Variants in FHL2 observed in about 807,000 individuals in gnomAD.
The protein encoded by FHL2 is four and a half LIM domains 2, also known as four and a half LIM domains protein 2.
A neutral mutation model predicts 32.7 loss-of-function variants in FHL2; 20 were observed. The ratio of observed to expected loss-of-function variants is 0.61; its 90% CI spans 0.43 to 0.89. The LOEUF is 0.89. Ranked by LOEUF, FHL2 falls within the 40% of genes least tolerant of loss-of-function variation. The pLI is 0.00. For missense variants in FHL2, 311 were observed against 358.6 expected, an observed-to-expected ratio of 0.87 and a Z score of 1.07; for synonymous variants, 123 against 128.1, an observed-to-expected ratio of 0.96 and a Z score of 0.27.
chr2:105,394,314 A>T (rs1682957837), intron 2 of FHL2, among the ~76,000 whole-genome samples: 1 of 152,024 alleles, frequency 6.6e-6, no homozygotes, highest in Non-Finnish European at 1.5e-5. Context: ...AAGAGAGAGG[A>T]TCTCTTGAGC....
intron 3 of FHL2, among the ~76,000 whole-genome samples, chr2:105,380,372 T>C (rs548519297): frequency 6.6e-6 from 1 of 152,284 alleles, no homozygotes; most frequent in Non-Finnish European, 1.5e-5. Context: ...TTTTCTTCTA[T>C]CTATCTGTTC....
At chr2:105,425,013 A>C (rs145013689) in intron 1 of FHL2, among the ~76,000 whole-genome samples, 11 of 152,022 alleles carry the variant, frequency 7.2e-5, no homozygotes, top group African/African-American at 2.7e-4. Context: ...CAGAACTTAA[A>C]GTATATATAT....
At chr2:105,377,474 T>C (rs1681553938) in intron 3 of FHL2, among the ~76,000 whole-genome samples, 1 of 151,794 alleles carries the variant, frequency 6.6e-6, no homozygotes, top group African/African-American at 2.4e-5. Context: ...CTACTAAAAA[T>C]ACAAAAATTA....
downstream of FHL2, chr2:105,360,600 C>A (rs1256558269): frequency 6.6e-6 from 1 of 152,394 alleles, no homozygotes; most frequent in Non-Finnish European, 1.5e-5. Flanking sequence ...TCATGATCCA[C>A]CCGCCTTGGC....
At chr2:105,430,474 C>T (rs556812352) in intron 1 of FHL2, among the ~76,000 whole-genome samples, 32 of 152,132 alleles carry the variant, frequency 2.1e-4, no homozygotes, top group African/African-American at 7.0e-4. Context: ...TGAGACCAGC[C>T]GGGCCAACAT....
At chr2:105,379,614 C>A (rs377577564) in intron 3 of FHL2, among the ~76,000 whole-genome samples, 1 of 152,162 alleles carries the variant, frequency 6.6e-6, no homozygotes, top group African/African-American at 2.4e-5. Flanking sequence ...TGAAATGATC[C>A]GACAAAACTA....
upstream of FHL2, chr2:105,399,184 G>C: frequency 1.4e-6 from 2 of 1,409,290 alleles, no homozygotes; most frequent in Non-Finnish European, 9.1e-7. Context: ...CGCGGTTGCC[G>C]TGCCCCCGCC....
Position 105,363,313 on chromosome 2 carries a change from C to T in FHL2, c.660G>A (p.Lys220=). 6.2e-7 allele frequency: 1 copy of T among 1,614,220 alleles called. No homozygotes were observed. Among genetic ancestry groups the T allele is most frequent in the South Asian group, 1.1e-5 (1 of 91,090 alleles). The part of the protein sequence containing the change: ...LNCFCDLYAK[K]CAGCTNPISG... The stretch of plus-strand genomic sequence containing the variant: ...TGATGGGGTTGGTGCACCCAGCACA[C>T]TTCTTGGCATACAAGTCACAGAAGC... Residue 220 remains lysine, a synonymous_variant, in exon 6 of 7, where the codon AAG becomes AAA. Coordinates refer to ENST00000530340, the MANE Select transcript of FHL2 (RefSeq NM_001318895.3).
intron 1 of FHL2, among the ~76,000 whole-genome samples, chr2:105,417,297 G>T (rs1233807024): frequency 1.3e-5 from 2 of 151,826 alleles, no homozygotes; most frequent in Non-Finnish European, 2.9e-5. Context: ...CAGGAGAATC[G>T]CTTGAACCCA....
In FHL2 at chr2:105,373,561, G is replaced by T; in HGVS notation, c.329C>A (p.Pro110Gln). The T allele has an allele frequency of 6.2e-7, 1 of 1,614,198 alleles. No individual in the cohort carries two copies. Among genetic ancestry groups the T allele is most frequent in the Non-Finnish European group, 8.5e-7 (1 of 1,180,026 alleles). The change falls in exon 4 of 7, where the codon CCA (proline) becomes CAA (glutamine). Residue 110 changes from proline to glutamine, a missense_variant and splice_region_variant. By Grantham distance (76) the Pro-to-Gln change is moderately conservative. Transcript: ENST00000530340. ...ATGAGAAAGGAGTGCCTCCTGACCT[G>T]GCATGATGGTCTTCTTGCATTCCTG... ...KCQECKKTIM[P>Q]GTRKMEYKGS...
chr2:105,413,728 C>A (rs1036555572), intron 1 of FHL2, among the ~76,000 whole-genome samples: 1 of 152,208 alleles, frequency 6.6e-6, no homozygotes, highest in East Asian at 1.9e-4. Flanking sequence ...AATTGTCTTT[C>A]TTTGGCTTCC....
chr2:105,386,712 C>G (rs552736123), intron 2 of FHL2, among the ~76,000 whole-genome samples, 172 bp from the exon 3 acceptor site: 1 of 147,076 alleles, frequency 6.8e-6, no homozygotes, highest in South Asian at 2.2e-4. Context: ...ATGATAACAC[C>G]TTTTTTCATT....
At chr2:105,396,575 G>A in intron 2 of FHL2, 72 bp downstream of exon 2, 2 of 1,377,606 alleles carry the variant, frequency 1.5e-6, no homozygotes, top group Middle Eastern at 1.8e-4. Flanking sequence ...GTTGACACAT[G>A]AAAGTAACCA....
At chr2:105,381,591 C>T (rs1003555523) in intron 3 of FHL2, among the ~76,000 whole-genome samples, 5 of 152,140 alleles carry the variant, frequency 3.3e-5, no homozygotes, top group Non-Finnish European at 7.3e-5. Flanking sequence ...AGGCCAAGTT[C>T]GTGCACTGAC....
chr2:105,403,727 C>T (rs1261032898), upstream of FHL2, among the ~76,000 whole-genome samples: 1 of 152,088 alleles, frequency 6.6e-6, no homozygotes, highest in South Asian at 2.1e-4. Flanking sequence ...CAGAAACCTA[C>T]GAAATGTCAG....
chr2:105,406,018 T>TACCTACA (rs1333569266), intron 1 of FHL2, among the ~76,000 whole-genome samples: 2 of 152,220 alleles, frequency 1.3e-5, no homozygotes, highest in Admixed American at 6.5e-5. Flanking sequence ...CAGATTTGTG[T>TACCTACA]GTGATGAAAA....
In FHL2 at chr2:105,361,403, C is replaced by T. The variant is rs777732229; in HGVS notation, c.720G>A (p.Glu240=). 1.1e-5 allele frequency: 18 copies of T among 1,613,928 alleles called. No individual in the cohort carries two copies. The Middle Eastern group carries it at 1.3e-3, about 118-fold the overall frequency. ...AGCAGTCGTTATGCCACTGCCGTTC[C>T]TCAAAGGAGATGTATTTTGTGCCAC... The part of the protein sequence containing the change: ...GLGGTKYISF[E]ERQWHNDCFN... Residue 240 remains glutamate, a synonymous_variant, in exon 7 of 7, where the codon GAG becomes GAA. Coordinates refer to ENST00000530340, the MANE Select transcript of FHL2 (RefSeq NM_001318895.3).
chr2:105,363,482 G>T lies in FHL2; in HGVS notation c.502-11C>A. 1 of 1,596,326 alleles carries T rather than the reference G, an allele frequency of 6.3e-7. No homozygotes were observed. Among genetic ancestry groups the T allele is most frequent in the East Asian group, 2.3e-5 (1 of 44,278 alleles). On this transcript the variant is annotated splice_polypyrimidine_tract_variant and intron_variant, in intron 5 of 6. Transcript: ENST00000530340. ...TCCCGTGGTGATGGGCTGCAGGGAC[G>T]AGGGGGAGAGTTAGTGTGGCCTCTG...
At chr2:105,372,881 A>C (rs1241832100) in intron 4 of FHL2, among the ~76,000 whole-genome samples, 2 of 152,180 alleles carry the variant, frequency 1.3e-5, no homozygotes, top group African/African-American at 4.8e-5. Flanking sequence ...GAAATTCCAC[A>C]TATTTTTGTC....
Sources: allele counts gnomAD v4.1 joint callset (sites outside exome capture counted in the v4.1 genomes callset), GRCh38; gene constraint gnomAD v4.1.1; transcripts MANE v1.5; gene names NCBI Gene and HGNC (gene_info 2026-07-23, HGNC 2026-07-21).